AGPAT4: variants seen among roughly 807,000 people sequenced by gnomAD.
The protein encoded by AGPAT4 is 1-acylglycerol-3-phosphate O-acyltransferase 4, also known as 1-acyl-sn-glycerol-3-phosphate acyltransferase delta.
Under a neutral mutation model 48.0 loss-of-function variants are expected in AGPAT4, and 15 were observed. That is an observed-to-expected ratio of 0.31 (90% CI 0.21 to 0.48). The LOEUF (loss-of-function observed/expected upper bound fraction) is 0.48. Among genes scored for constraint, AGPAT4 ranks in the 20% least tolerant of loss-of-function variants. The probability of loss-of-function intolerance (pLI) is 0.99; values close to 1 mark genes in which losing one functional copy is unlikely to be tolerated. For synonymous variants in AGPAT4, 178 were observed against 198.7 expected (o/e 0.90, Z 0.88); for missense variants, 314 against 482.5 (o/e 0.65, Z 3.27).
chr6:161,179,076 T>C (rs1046399596), intron 2 of AGPAT4, among the ~76,000 whole-genome samples: 5 of 152,296 alleles, frequency 3.3e-5, no homozygotes, highest in African/African-American at 9.6e-5. Context: ...TATTCAACCA[T>C]TGCCTGTCAT....
chr6:161,194,296 C>T (rs1042593758), intron 2 of AGPAT4, among the ~76,000 whole-genome samples: 1 of 152,108 alleles, frequency 6.6e-6, no homozygotes, highest in African/African-American at 2.4e-5. Flanking sequence ...ATTACATGTG[C>T]AGTTCTCATT....
At position 161,184,770 on chromosome 6, in the gene AGPAT4, T is replaced by G. The variant is rs912159095; in HGVS notation, c.179-18353A>C. Among the ~76,000 whole-genome samples, 2 of 152,152 alleles carry G rather than the reference T, an allele frequency of 1.3e-5. No homozygotes were observed. Among genetic ancestry groups the G allele is most frequent in the African/African-American group, 4.8e-5 (2 of 41,424 alleles). On this transcript the variant is annotated intron_variant, in intron 2 of 8. Transcript: ENST00000320285. This position sits in a 1 kb window ranked among gnomAD's most constrained non-coding sequence, Gnocchi z 4.8. Reference sequence around the variant, plus strand: ...ACTAGAAATCTGACTACATCAAGCCTAGGAGCAATGAGAGCTTGGTAGCCA... The same window carrying G: ...ACTAGAAATCTGACTACATCAAGCCGAGGAGCAATGAGAGCTTGGTAGCCA...
intron 2 of AGPAT4, among the ~76,000 whole-genome samples, chr6:161,182,590 G>A (rs949757321): frequency 6.6e-6 from 1 of 152,200 alleles, no homozygotes; most frequent in East Asian, 1.9e-4. Flanking sequence ...TGTGTCCCTG[G>A]CAGGGAGTGA....
rs970716043 is a variant in AGPAT4 at position 161,169,967 on chromosome 6, C to T, written c.179-3550G>A. 2.6e-5 allele frequency among the ~76,000 whole-genome samples: 4 copies of T among 152,162 alleles called. No homozygotes were observed. On this transcript the variant is annotated intron_variant, in intron 2 of 8. Coordinates refer to ENST00000320285, the MANE Select transcript of AGPAT4 (RefSeq NM_020133.3). This position sits in a 1 kb window ranked among gnomAD's most constrained non-coding sequence, Gnocchi z 5.0. Reference sequence around the variant, plus strand: ...AGCAGCGGCTAGGCCTGCTACTGCTCCTCCTTCCCCTGGATCCCCGCCAGC... The same window carrying T: ...AGCAGCGGCTAGGCCTGCTACTGCTTCTCCTTCCCCTGGATCCCCGCCAGC...
rs763528849 is a variant in AGPAT4, at chr6:161,232,019, A to G, written c.178+17T>C. 56 of 1,611,056 alleles carry G rather than the reference A, an allele frequency of 3.5e-5. No individual in the cohort carries two copies. Among genetic ancestry groups the G allele is most frequent in the Non-Finnish European group, 4.3e-5 (51 of 1,177,780 alleles). ...ATCCACAATGGAGACGAAAATATAG[A>G]ATCTTAAGTATCTTACGGCTTGAGA... On this transcript the variant is annotated intron_variant, in intron 2 of 8. Transcript: ENST00000320285. This position sits in a 1 kb window ranked among gnomAD's most constrained non-coding sequence, Gnocchi z 6.8.
At chr6:161,250,771 C>A (rs1562357463) in intron 1 of AGPAT4, among the ~76,000 whole-genome samples, 1 of 152,106 alleles carries the variant, frequency 6.6e-6, no homozygotes, top group Non-Finnish European at 1.5e-5. Flanking sequence ...CATTTCACTA[C>A]ATGTTTGTCA....
chr6:161,192,889 G>A (rs371263429), intron 2 of AGPAT4, among the ~76,000 whole-genome samples: 25 of 152,236 alleles, frequency 1.6e-4, no homozygotes, highest in African/African-American at 9.6e-5. Context: ...TTAGGGTGTC[G>A]CTCTTTGGAA....
In AGPAT4 at chr6:161,169,236, C is replaced by T. The variant is rs1423174342; in HGVS notation, c.179-2819G>A. ...AACCACTGGAGCATTTTTAAATAGA[C>T]ACACACCAACATCCAATTTGCATCT... On this transcript the variant is annotated intron_variant, in intron 2 of 8. Transcript: ENST00000320285. This position sits in a 1 kb window ranked among gnomAD's most constrained non-coding sequence, Gnocchi z 5.0. Among the ~76,000 whole-genome samples, 1 of 152,014 alleles carries T rather than the reference C, an allele frequency of 6.6e-6. No homozygotes were observed. The highest frequency in any genetic ancestry group is 1.5e-5 in the Non-Finnish European group (1 of 68,022).
At chr6:161,199,148 T>C (rs1412658424) in intron 2 of AGPAT4, among the ~76,000 whole-genome samples, 1 of 151,754 alleles carries the variant, frequency 6.6e-6, no homozygotes, top group Non-Finnish European at 1.5e-5. Flanking sequence ...CTTTTCTGCA[T>C]AAATAGCACA....
chr6:161,219,842 G>C lies in AGPAT4; in HGVS notation c.178+12194C>G, dbSNP rs1781761175. On this transcript the variant is annotated intron_variant, in intron 2 of 8. Transcript: ENST00000320285. The surrounding 1 kb of genome is among the most constrained non-coding windows in gnomAD (Gnocchi z 4.9). ...ATAGACAGAGATAGATAGATAGATA[G>C]ATAGATAGATAGATAGATAGATAGA... Among the ~76,000 whole-genome samples the C allele has an allele frequency of 9.1e-6, 1 of 109,926 alleles. No individual in the cohort carries two copies. The highest frequency in any genetic ancestry group is 1.9e-5 in the Non-Finnish European group (1 of 53,288). The allele number at this position is 109,926 out of a possible 152,430, so 72.1% of individuals were successfully genotyped here. A position where few individuals can be genotyped will look rare whatever the true frequency, so the allele number is the denominator to read the frequency against.
chr6:161,138,233 GTTGTT>G lies in AGPAT4; in HGVS notation c.1042+1184_1042+1188del, dbSNP rs1779137738. 2.0e-5 allele frequency among the ~76,000 whole-genome samples: 3 copies of G among 151,310 alleles called. No individual in the cohort carries two copies. The highest frequency in any genetic ancestry group is 3.9e-4 in the East Asian group (2 of 5,170). On this transcript the variant is annotated intron_variant, in intron 8 of 8. Coordinates refer to ENST00000320285, the MANE Select transcript of AGPAT4 (RefSeq NM_020133.3). The surrounding 1 kb of genome is among the most constrained non-coding windows in gnomAD (Gnocchi z 4.8). ...TTTTTTTCCCTTACACGGTGTGGGT[GTTGTT>G]TTAATATTTTAATTTTTAACACTAA...
In AGPAT4 at chr6:161,153,200, A is replaced by G. The variant is rs1779640722; in HGVS notation, c.664+146T>C. 1.6e-5 allele frequency: 19 copies of G among 1,163,166 alleles called. No homozygotes were observed. In the South Asian group the frequency reaches 2.3e-4, roughly 14 times the overall value. The allele number at this position is 1,163,166 out of a possible 1,614,324, so 72.1% of individuals were successfully genotyped here. A position where few individuals can be genotyped will look rare whatever the true frequency, so the allele number is the denominator to read the frequency against. The stretch of plus-strand genomic sequence containing the variant: ...CCATTTGACCTTGGTTCCCAGTCAC[A>G]GAGACTGGACTTGAGCAGCCACTCT... On this transcript the variant is annotated intron_variant, in intron 5 of 8. Coordinates refer to ENST00000320285, the MANE Select transcript of AGPAT4 (RefSeq NM_020133.3).
chr6:161,163,137 C>T (rs543766148), intron 3 of AGPAT4, among the ~76,000 whole-genome samples: 1 of 152,356 alleles, frequency 6.6e-6, no homozygotes, highest in South Asian at 2.1e-4. Context: ...TTGAAAGCCT[C>T]TTTGTTAAAA....
At chr6:161,207,654 A>G (rs1781412592) in intron 2 of AGPAT4, among the ~76,000 whole-genome samples, 1 of 152,224 alleles carries the variant, frequency 6.6e-6, no homozygotes. Context: ...CCACCGCCAT[A>G]AAAAGTAAAT....
Position 161,154,926 on chromosome 6 carries a change from C to T in AGPAT4, c.349-616G>A, listed in dbSNP as rs1279286419. The stretch of plus-strand genomic sequence containing the variant: ...GTTGAGGCAAACAGGAGTCTCCGCT[C>T]ACAGAGCAGGCTGCGGAGCCCAGTG... On this transcript the variant is annotated intron_variant, in intron 3 of 8. Transcript: ENST00000320285. The surrounding 1 kb of genome is among the most constrained non-coding windows in gnomAD (Gnocchi z 7.8). 6.6e-6 allele frequency among the ~76,000 whole-genome samples: 1 copy of T among 152,234 alleles called. No individual in the cohort carries two copies. Among genetic ancestry groups the T allele is most frequent in the Non-Finnish European group, 1.5e-5 (1 of 68,040 alleles).
In AGPAT4 at chr6:161,226,554, G is replaced by C. The variant is rs1181919040; in HGVS notation, c.178+5482C>G. On this transcript the variant is annotated intron_variant, in intron 2 of 8. Coordinates refer to ENST00000320285, the MANE Select transcript of AGPAT4 (RefSeq NM_020133.3). This position sits in a 1 kb window ranked among gnomAD's most constrained non-coding sequence, Gnocchi z 6.3. The stretch of plus-strand genomic sequence containing the variant: ...TGGGGTAGGGGGTGGCCCACACCCA[G>C]TTGTTGCCTGGTCAAGTTGACAAAC... Among the ~76,000 whole-genome samples the C allele has an allele frequency of 6.6e-6, 1 of 152,236 alleles. No individual in the cohort carries two copies. The highest frequency in any genetic ancestry group is 1.5e-5 in the Non-Finnish European group (1 of 68,040).
rs1387607795 is a variant in AGPAT4 at position 161,214,107 on chromosome 6, A to G, written c.178+17929T>C. On this transcript the variant is annotated intron_variant, in intron 2 of 8. Coordinates refer to ENST00000320285, the MANE Select transcript of AGPAT4 (RefSeq NM_020133.3). This position sits in a 1 kb window ranked among gnomAD's most constrained non-coding sequence, Gnocchi z 5.4. ...TTTGGAGAGGCTCATCAGAAACTCAAAAGAATGCTACCATTTGTCTCTCAC... is the reference window on the plus strand; with the variant it reads ...TTTGGAGAGGCTCATCAGAAACTCAGAAGAATGCTACCATTTGTCTCTCAC... 3.9e-5 allele frequency among the ~76,000 whole-genome samples: 6 copies of G among 152,222 alleles called. No homozygotes were observed. Among genetic ancestry groups the G allele is most frequent in the African/African-American group, 1.4e-4 (6 of 41,456 alleles).
intron 1 of AGPAT4, among the ~76,000 whole-genome samples, chr6:161,248,188 T>C (rs902912036): frequency 6.6e-6 from 1 of 151,856 alleles, no homozygotes; most frequent in African/African-American, 2.4e-5. Context: ...ACAAAATCAA[T>C]GAACAAAATT....
chr6:161,190,201 G>C (rs575951175), intron 2 of AGPAT4, among the ~76,000 whole-genome samples: 3 of 152,036 alleles, frequency 2.0e-5, no homozygotes, highest in Admixed American at 2.0e-4. Context: ...TGTCTTCATG[G>C]GCACATGACA....
Sources: gnomAD v4.1 joint callset for allele counts (sites outside exome capture counted in the v4.1 genomes callset) on GRCh38, gnomAD v4.1.1 for gene constraint, Gnocchi (gnomAD v3.1) non-coding constraint, MANE v1.5 for transcripts, NCBI Gene and HGNC (gene_info 2026-07-23, HGNC 2026-07-21) for gene names.